The following XKR5 variants were observed in gnomAD, a reference collection of about 807,000 sequenced individuals.
The protein encoded by XKR5 is XK-related protein 5.
A neutral mutation model predicts 40.8 loss-of-function variants in XKR5; 46 were observed. The ratio of observed to expected loss-of-function variants is 1.13; its 90% confidence interval spans 0.89 to 1.44. XKR5 has a LOEUF of 1.44. XKR5 is among the 40% of genes most tolerant of loss of function. XKR5 has a pLI of 0.00. For synonymous variants in XKR5, 466 were observed against 356.1 expected (o/e 1.31, Z -3.48); for missense variants, 1,169 against 844.7 (o/e 1.38, Z -4.76).
chr8:6,818,514 T>C (rs1371258813), intron 5 of XKR5, among the ~76,000 whole-genome samples: 1 of 152,206 alleles, frequency 6.6e-6, no homozygotes, highest in African/African-American at 2.4e-5. Flanking sequence ...AATAAACCCA[T>C]AACGGGTGAA....
chr8:6,832,197 G>A (rs1452305998), intron 2 of XKR5, among the ~76,000 whole-genome samples: 1 of 152,066 alleles, frequency 6.6e-6, no homozygotes. Flanking sequence ...ATGGATCACG[G>A]ATAAGCCCAC....
rs1167479474 is a variant in XKR5, at chr8:6,822,056, G to A, written c.638-18C>T. 1.3e-6 allele frequency: 2 copies of A among 1,593,616 alleles called. No individual in the cohort carries two copies. The highest frequency in any genetic ancestry group is 1.7e-5 in the Admixed American group (1 of 57,502). On this transcript the variant is annotated intron_variant, in intron 4 of 6. Coordinates refer to ENST00000618742, the MANE Select transcript of XKR5 (RefSeq NM_207411.5). ...GTGGGCACCTGCAGAGAAGCCGGGT[G>A]CAGACGTCAGGGTCCATGCAAGGAG... is the stretch of plus-strand genomic sequence containing the variant.
intron 2 of XKR5, among the ~76,000 whole-genome samples, 193 bp downstream of exon 2, chr8:6,832,524 G>A (rs1002781856): frequency 6.6e-6 from 1 of 152,138 alleles, no homozygotes; most frequent in African/African-American, 2.4e-5. Flanking sequence ...CCCTGAGGTT[G>A]GAGATGCTCA....
At chr8:6,831,430 G>A (rs1804758183) in intron 2 of XKR5, among the ~76,000 whole-genome samples, 1 of 152,322 alleles carries the variant, frequency 6.6e-6, no homozygotes, top group Admixed American at 6.5e-5. Flanking sequence ...GAAACTGAGA[G>A]TGGGTGCTTG....
chr8:6,834,333 G>A (rs1319262046), intron 1 of XKR5, among the ~76,000 whole-genome samples: 1 of 152,240 alleles, frequency 6.6e-6, no homozygotes, highest in Non-Finnish European at 1.5e-5. Flanking sequence ...TAGACCGCGG[G>A]GTCCGGGCTC....
chr8:6,824,641 C>A (rs1173359402), intron 3 of XKR5, among the ~76,000 whole-genome samples: 6 of 152,126 alleles, frequency 3.9e-5, no homozygotes, highest in African/African-American at 1.2e-4. Flanking sequence ...AGTGATGCTA[C>A]CACCTCAGCC....
chr8:6,828,080 A>C (rs2117112115), intron 2 of XKR5, among the ~76,000 whole-genome samples: 2 of 152,230 alleles, frequency 1.3e-5, no homozygotes, highest in Middle Eastern at 6.8e-3. Context: ...GAAAAAAAAG[A>C]AAAGGGGGGA....
intron 5 of XKR5, among the ~76,000 whole-genome samples, chr8:6,819,862 T>TC (rs1804151873): frequency 7.2e-6 from 1 of 138,680 alleles, no homozygotes; most frequent in Non-Finnish European, 1.6e-5. Context: ...TTTCCTTCCT[T>TC]CCTTCCCTCC....
In XKR5 at chr8:6,811,742, G is replaced by C. The variant is rs377177722; in HGVS notation, c.1517C>G (p.Thr506Arg). 2 of 1,537,448 alleles carry C rather than the reference G, an allele frequency of 1.3e-6. No individual in the cohort carries two copies. Among genetic ancestry groups the C allele is most frequent in the African/African-American group, 2.7e-5 (2 of 73,032 alleles). ...DEAPTQNPAA[T>R]QGEGTPKEGA... Reference sequence around the variant, plus strand: ...TTCCTTTGGGGTGCCCTCCCCCTGCGTGGCTGCTGGGTTCTGGGTAGGTGC... The same window carrying C: ...TTCCTTTGGGGTGCCCTCCCCCTGCCTGGCTGCTGGGTTCTGGGTAGGTGC... The change falls in exon 7 of 7, where the codon ACG becomes AGG. Residue 506 changes from threonine (T) to arginine (R), a missense_variant. Transcript: ENST00000618742.
At chr8:6,820,663 C>T (rs951088585) in intron 5 of XKR5, among the ~76,000 whole-genome samples, 2 of 152,202 alleles carry the variant, frequency 1.3e-5, no homozygotes, top group Admixed American at 6.5e-5. Context: ...ACAAGTGAAC[C>T]TATCTACAAC....
At position 6,824,369 on chromosome 8, in the gene XKR5, G is replaced by C. The variant is rs187640127; in HGVS notation, c.428-639C>G. Among the ~76,000 whole-genome samples the C allele has an allele frequency of 8.1e-4, 123 of 152,110 alleles. No individual in the cohort carries two copies. The Middle Eastern group carries it at 0.01, about 13-fold the overall frequency. On this transcript the variant is annotated intron_variant, in intron 3 of 6. Coordinates refer to ENST00000618742, the MANE Select transcript of XKR5 (RefSeq NM_207411.5). Reference sequence around the variant, plus strand: ...AAGGGGATAGCAGGAGGGAGAGGGAGAGGGAAACAAGAAGCAACTGAGAGA... The same window carrying C: ...AAGGGGATAGCAGGAGGGAGAGGGACAGGGAAACAAGAAGCAACTGAGAGA...
chr8:6,818,779 G>C (rs1563352214), intron 5 of XKR5, among the ~76,000 whole-genome samples: 1 of 152,200 alleles, frequency 6.6e-6, no homozygotes, highest in African/African-American at 2.4e-5. Context: ...CTGAGGCCCA[G>C]CTGCACTGGA....
chr8:6,831,586 G>C (rs1434529995), intron 2 of XKR5, among the ~76,000 whole-genome samples: 1 of 152,154 alleles, frequency 6.6e-6, no homozygotes, highest in Non-Finnish European at 1.5e-5. Context: ...ATAGCTTGCA[G>C]GCATAAACCC....
intron 2 of XKR5, among the ~76,000 whole-genome samples, chr8:6,829,673 G>A (rs1804668437): frequency 6.6e-6 from 1 of 152,008 alleles, no homozygotes; most frequent in South Asian, 2.1e-4. Flanking sequence ...GCGTGACCAC[G>A]CCTGGCTAAT....
At chr8:6,820,566 T>C (rs1363933410) in intron 5 of XKR5, among the ~76,000 whole-genome samples, 1 of 142,370 alleles carries the variant, frequency 7.0e-6, no homozygotes, top group Non-Finnish European at 1.5e-5. Flanking sequence ...TTCAGCAAAT[T>C]GGATGAGAAA....
At chr8:6,817,790 CATCT>C (rs1416678434) in intron 5 of XKR5, among the ~76,000 whole-genome samples, 1 of 152,196 alleles carries the variant, frequency 6.6e-6, no homozygotes. Flanking sequence ...ACCCAAGAGC[CATCT>C]ATTCAAATAC....
Position 6,812,004 on chromosome 8 carries a change from T to TA in XKR5, c.1254dup (p.Lys419Ter). The TA allele has an allele frequency of 6.5e-7, 1 of 1,537,338 alleles. No individual in the cohort carries two copies. On this transcript the variant is annotated frameshift_variant, in exon 7 of 7. Coordinates refer to ENST00000618742, the MANE Select transcript of XKR5 (RefSeq NM_207411.5). LOFTEE classifies it low-confidence loss of function (END_TRUNC). ...TTATCTCCAAAGGCGGCATTGATCT[T>TA]AGACACATTTCCTGTTTTTAGGGCA...
intron 2 of XKR5, among the ~76,000 whole-genome samples, chr8:6,828,801 G>C (rs1280870687): frequency 6.6e-6 from 1 of 152,110 alleles, no homozygotes; most frequent in African/African-American, 2.4e-5. Flanking sequence ...CTTCCAACAG[G>C]TCTCCAATGC....
chr8:6,835,300 G>A (rs1804963340), intron 1 of XKR5, 136 bp downstream of exon 1: 4 of 872,442 alleles, frequency 4.6e-6, no homozygotes, highest in Non-Finnish European at 6.3e-6. Context: ...GGCCACCACC[G>A]TGCGTCACCG....
Sources: allele counts gnomAD v4.1 joint callset (sites outside exome capture counted in the v4.1 genomes callset), GRCh38; gene constraint gnomAD v4.1.1; transcripts MANE v1.5; gene names NCBI Gene and HGNC (gene_info 2026-07-23, HGNC 2026-07-21).